Variants in ARHGAP15 observed in about 807,000 individuals in gnomAD.
The protein encoded by ARHGAP15 is Rho GTPase activating protein 15, also known as rho GTPase-activating protein 15.
ARHGAP15 carries 51 observed loss-of-function variants against 63.7 expected under a neutral mutation model. The observed-to-expected ratio is 0.80, with a 90% CI of 0.64 to 1.01. The LOEUF is 1.01. Ranked by LOEUF, ARHGAP15 falls within the 50% of genes least tolerant of loss-of-function variation. The probability of loss-of-function intolerance (pLI) is 0.00; values close to 1 mark genes in which losing one functional copy is unlikely to be tolerated. For synonymous variants in ARHGAP15, 191 were observed against 193.8 expected (o/e 0.99, Z 0.12); for missense variants, 560 against 564.6 (o/e 0.99, Z 0.08).
chr2:143,750,115 A>G (rs796489439), intron 13 of ARHGAP15, among the ~76,000 whole-genome samples: 13 of 152,314 alleles, frequency 8.5e-5, no homozygotes, highest in African/African-American at 3.1e-4. Context: ...AAAACAATTG[A>G]CAGAAAGAAA....
intron 3 of ARHGAP15, among the ~76,000 whole-genome samples, chr2:143,211,192 G>A (rs1440372662): frequency 2.0e-5 from 3 of 151,778 alleles, no homozygotes; most frequent in African/African-American, 7.3e-5. Context: ...GGGAATAAGT[G>A]AATATTGAGA....
intron 3 of ARHGAP15, among the ~76,000 whole-genome samples, chr2:143,203,789 C>T (rs1049287475): frequency 2.0e-5 from 3 of 151,912 alleles, no homozygotes; most frequent in African/African-American, 7.3e-5. Flanking sequence ...GTAGGAATTT[C>T]CTAGGGCATC....
chr2:143,750,390 G>A (rs916484758), intron 13 of ARHGAP15, among the ~76,000 whole-genome samples: 4 of 152,166 alleles, frequency 2.6e-5, no homozygotes, highest in Admixed American at 6.5e-5. Flanking sequence ...GCAGTGAGCC[G>A]GGACAGTGCC....
At chr2:143,595,344 G>T (rs1191185822) in intron 11 of ARHGAP15, among the ~76,000 whole-genome samples, 1 of 152,020 alleles carries the variant, frequency 6.6e-6, no homozygotes, top group Non-Finnish European at 1.5e-5. Flanking sequence ...GGACAGCAAT[G>T]GTTGACTGGA....
At chr2:143,345,605 A>C (rs1405791262) in intron 6 of ARHGAP15, among the ~76,000 whole-genome samples, 1 of 152,140 alleles carries the variant, frequency 6.6e-6, no homozygotes, top group African/African-American at 2.4e-5. Context: ...TGGTGTAAGC[A>C]CATGGACTCA....
intron 2 of ARHGAP15, among the ~76,000 whole-genome samples, chr2:143,177,373 G>T (rs1225507946): frequency 6.6e-6 from 1 of 152,174 alleles, no homozygotes; most frequent in Non-Finnish European, 1.5e-5. Context: ...AATTTGGACA[G>T]TACTCGTCAG....
At chr2:143,637,790 A>C (rs1680396178) in intron 12 of ARHGAP15, among the ~76,000 whole-genome samples, 1 of 152,056 alleles carries the variant, frequency 6.6e-6, no homozygotes, top group Non-Finnish European at 1.5e-5. Flanking sequence ...CAATGAACTC[A>C]AACAAATCTA....
intron 12 of ARHGAP15, among the ~76,000 whole-genome samples, chr2:143,687,925 C>T (rs1683422023): frequency 6.6e-6 from 1 of 152,048 alleles, no homozygotes; most frequent in Admixed American, 6.6e-5. Context: ...TATATGGTAT[C>T]TAAACAATTG....
At chr2:143,293,857 A>G (rs1216101864) in intron 6 of ARHGAP15, among the ~76,000 whole-genome samples, 1 of 152,076 alleles carries the variant, frequency 6.6e-6, no homozygotes, top group African/African-American at 2.4e-5. Context: ...AAAAACTCAA[A>G]GGTAAAATCT....
intron 11 of ARHGAP15, chr2:143,587,885 A>G: frequency 3.0e-6 from 1 of 332,272 alleles, no homozygotes; most frequent in Non-Finnish European, 6.2e-6. Context: ...GCAGAAAAGA[A>G]GTCTACTGTT....
intron 6 of ARHGAP15, among the ~76,000 whole-genome samples, chr2:143,417,074 C>T (rs944398856): frequency 4.6e-5 from 7 of 151,812 alleles, no homozygotes; most frequent in African/African-American, 1.7e-4. Flanking sequence ...GAGGTGAAAA[C>T]TTCTTTGAAA....
chr2:143,450,088 GT>G (rs1289957561), intron 8 of ARHGAP15, among the ~76,000 whole-genome samples: 2 of 138,528 alleles, frequency 1.4e-5, no homozygotes, highest in African/African-American at 5.4e-5. Flanking sequence ...TGTTATTGAG[GT>G]TTCATAATTA....
At chr2:143,743,131 G>A (rs943772862) in intron 13 of ARHGAP15, among the ~76,000 whole-genome samples, 3 of 152,270 alleles carry the variant, frequency 2.0e-5, no homozygotes, top group Non-Finnish European at 4.4e-5. Flanking sequence ...GATAGGCAGC[G>A]GGATAAGAAG....
chr2:143,333,897 T>C (rs1684658429), intron 6 of ARHGAP15, among the ~76,000 whole-genome samples: 1 of 152,208 alleles, frequency 6.6e-6, no homozygotes, highest in Non-Finnish European at 1.5e-5. Flanking sequence ...AAAAATTGTT[T>C]CTTGTCTTAA....
chr2:143,342,180 A>G (rs908570005), intron 6 of ARHGAP15, among the ~76,000 whole-genome samples: 2 of 152,106 alleles, frequency 1.3e-5, no homozygotes, highest in Non-Finnish European at 2.9e-5. Flanking sequence ...GAGATTCATA[A>G]AAGTTGAAAG....
rs72853758 is a variant in ARHGAP15 at position 143,458,673 on chromosome 2, A to G, written c.703+21631A>G. On this transcript the variant is annotated intron_variant, in intron 8 of 13. Transcript: ENST00000295095. ...TAGACATCATTCGGATGAATAGTTTAGTGAGGAGAAAATTTATTCCCTCCT... is the reference window on the plus strand; with the variant it reads ...TAGACATCATTCGGATGAATAGTTTGGTGAGGAGAAAATTTATTCCCTCCT... Among the ~76,000 whole-genome samples, 1,336 of 152,308 alleles carry G rather than the reference A, an allele frequency of 8.8e-3. 9 individuals carry two copies. Among genetic ancestry groups the G allele is most frequent in the Middle Eastern group, 0.017 (5 of 294 alleles).
At chr2:143,716,540 A>C (rs993524695) in intron 13 of ARHGAP15, among the ~76,000 whole-genome samples, 2 of 152,166 alleles carry the variant, frequency 1.3e-5, no homozygotes, top group Admixed American at 1.3e-4. Flanking sequence ...ACCTTGAATT[A>C]TTTAGCATCA....
At chr2:143,668,505 A>T (rs1452347233) in intron 12 of ARHGAP15, among the ~76,000 whole-genome samples, 1 of 152,136 alleles carries the variant, frequency 6.6e-6, no homozygotes, top group Non-Finnish European at 1.5e-5. Context: ...CAAATGAGAG[A>T]CTAGCATTCC....
chr2:143,426,927 T>G (rs1199590498), intron 6 of ARHGAP15, among the ~76,000 whole-genome samples: 2 of 152,202 alleles, frequency 1.3e-5, no homozygotes, highest in Non-Finnish European at 1.5e-5. Context: ...AGATTTTTGT[T>G]TTTCACTGAA....
Sources: allele counts gnomAD v4.1 joint callset (sites outside exome capture counted in the v4.1 genomes callset), GRCh38; gene constraint gnomAD v4.1.1; transcripts MANE v1.5; gene names NCBI Gene and HGNC (gene_info 2026-07-23, HGNC 2026-07-21).